PEPD: variants seen among roughly 807,000 people sequenced by gnomAD.
PEPD encodes peptidase D, also known as xaa-Pro dipeptidase.
A neutral mutation model predicts 60.7 loss-of-function variants in PEPD; 53 were observed. That is an observed-to-expected ratio of 0.87 (90% CI 0.70 to 1.10). The LOEUF is 1.10. PEPD is among the 50% of genes least tolerant of loss of function. The pLI is 0.00. For synonymous variants in PEPD, 267 were observed against 284.1 expected (o/e 0.94, Z 0.60); for missense variants, 711 against 711.9 (o/e 1.00, Z 0.01).
intron 9 of PEPD, among the ~76,000 whole-genome samples, chr19:33,425,122 C>G (rs990689205): frequency 4.6e-5 from 7 of 152,116 alleles, no homozygotes; most frequent in Non-Finnish European, 7.4e-5. Flanking sequence ...GTAATCCCAG[C>G]ACTTTGGGAG....
intron 9 of PEPD, among the ~76,000 whole-genome samples, chr19:33,422,301 C>G (rs180833572): frequency 6.6e-6 from 1 of 152,258 alleles, no homozygotes; most frequent in East Asian, 1.9e-4. Flanking sequence ...GTAACCCTCA[C>G]CACCATCTGA....
chr19:33,461,260 G>A (rs932517914), intron 9 of PEPD, among the ~76,000 whole-genome samples: 1 of 152,052 alleles, frequency 6.6e-6, no homozygotes. Flanking sequence ...GGGACTTTGG[G>A]GTTCATTATA....
At chr19:33,493,166 G>A (rs976605127) in intron 5 of PEPD, 124 bp downstream of exon 5, 14 of 749,408 alleles carry the variant, frequency 1.9e-5, no homozygotes, top group Non-Finnish European at 4.8e-6. Flanking sequence ...GTGAGCCCCT[G>A]GACCCAACCC....
Position 33,391,290 on chromosome 19 carries a change from C to T in PEPD, c.1152+5G>A. On this transcript the variant is annotated splice_donor_5th_base_variant and intron_variant, in intron 13 of 14. Transcript: ENST00000244137. ...GGCCACTCCGCCTGCCATGTCCACACTGACCTCTGGGTAGCCTCCCACGTC... is the reference window on the plus strand; with the variant it reads ...GGCCACTCCGCCTGCCATGTCCACATTGACCTCTGGGTAGCCTCCCACGTC... 1 of 1,609,638 alleles carries T rather than the reference C, an allele frequency of 6.2e-7. No homozygotes were observed. The highest frequency in any genetic ancestry group is 8.5e-7 in the Non-Finnish European group (1 of 1,178,222).
intron 7 of PEPD, among the ~76,000 whole-genome samples, chr19:33,464,530 C>T (rs547594636): frequency 3.9e-5 from 6 of 152,318 alleles, no homozygotes; most frequent in East Asian, 3.9e-4. Context: ...CACCTGCCCA[C>T]GGGTGGGTGA....
intron 4 of PEPD, among the ~76,000 whole-genome samples, chr19:33,499,606 G>A (rs1970670526): frequency 6.6e-6 from 1 of 152,250 alleles, no homozygotes; most frequent in Non-Finnish European, 1.5e-5. Flanking sequence ...TCAGAACACA[G>A]TCAGCGTCCA....
rs1445746219 is a variant in PEPD at position 33,387,087 on chromosome 19, C to CATT, written c.*254_*256dup. ...CATTTTAGTTGCTACTAAAGAACAG[C>CATT]ATTATTTTCAATCATTTTAAGTCGC... On this transcript the variant is annotated 3_prime_UTR_variant, in exon 15 of 15. Coordinates refer to ENST00000244137, the MANE Select transcript of PEPD (RefSeq NM_000285.4). 3.7e-6 allele frequency: 2 copies of CATT among 541,710 alleles called. No individual in the cohort carries two copies. The highest frequency in any genetic ancestry group is 5.0e-5 in the South Asian group (2 of 40,060). 33.6% of individuals were successfully genotyped at this position (541,710 alleles called of 1,614,324 possible). A position where few individuals can be genotyped will look rare whatever the true frequency, so the allele number is the denominator to read the frequency against.
chr19:33,414,970 C>A (rs1314754766), intron 9 of PEPD, among the ~76,000 whole-genome samples: 4 of 152,230 alleles, frequency 2.6e-5, no homozygotes, highest in Non-Finnish European at 5.9e-5. Flanking sequence ...TTCCACCTCG[C>A]TCCTGGGAGT....
chr19:33,511,260 C>T lies in PEPD; in HGVS notation c.202-105G>A, dbSNP rs1459289501. On this transcript the variant is annotated intron_variant, in intron 2 of 14. Coordinates refer to ENST00000244137, the MANE Select transcript of PEPD (RefSeq NM_000285.4). ...TAGAGAGCCAGCTCAGACCGACAGC[C>T]TCCTGTAACTGACCCCAGCCCCAGA... The T allele has an allele frequency of 1.8e-5, 20 of 1,140,204 alleles. No individual in the cohort carries two copies. The East Asian group carries it at 4.6e-4, about 26-fold the overall frequency. 70.6% of individuals were successfully genotyped at this position (1,140,204 alleles called of 1,614,324 possible). A position where few individuals can be genotyped will look rare whatever the true frequency, so the allele number is the denominator to read the frequency against.
intron 9 of PEPD, among the ~76,000 whole-genome samples, chr19:33,460,527 T>C (rs1028359936): frequency 1.3e-5 from 2 of 152,124 alleles, no homozygotes; most frequent in African/African-American, 2.4e-5. Context: ...GACCCCTCTC[T>C]CCCAACTCGG....
chr19:33,450,949 C>T (rs867399364), intron 9 of PEPD, among the ~76,000 whole-genome samples: 63 of 152,320 alleles, frequency 4.1e-4, no homozygotes, highest in African/African-American at 1.2e-3. Context: ...CTTTCCATAG[C>T]AATGACTTGA....
chr19:33,510,639 G>A (rs1970906472), intron 3 of PEPD, among the ~76,000 whole-genome samples: 1 of 152,234 alleles, frequency 6.6e-6, no homozygotes, highest in Admixed American at 6.5e-5. Context: ...TGTGAGGCAA[G>A]GGTAAGAAGG....
At chr19:33,426,163 G>A (rs1804515501) in intron 9 of PEPD, among the ~76,000 whole-genome samples, 2 of 151,932 alleles carry the variant, frequency 1.3e-5, no homozygotes, top group Admixed American at 6.6e-5. Context: ...GAGGATCTCA[G>A]GTCTCATGTC....
At chr19:33,471,269 G>C (rs954446537) in intron 7 of PEPD, among the ~76,000 whole-genome samples, 1 of 152,168 alleles carries the variant, frequency 6.6e-6, no homozygotes, top group Admixed American at 6.5e-5. Flanking sequence ...ATTATCCGTA[G>C]GGCACTCTGG....
chr19:33,501,875 A>T (rs1339476583), intron 3 of PEPD, among the ~76,000 whole-genome samples: 1 of 152,106 alleles, frequency 6.6e-6, no homozygotes, highest in Non-Finnish European at 1.5e-5. Context: ...GCCAAAAATT[A>T]GCATTTTTAG....
rs186615744 is a variant in PEPD at position 33,483,383 on chromosome 19, A to C, written c.504-5293T>G. Among the ~76,000 whole-genome samples the C allele has an allele frequency of 1.4e-3, 211 of 152,338 alleles. 1 individual carries two copies. The highest frequency in any genetic ancestry group is 4.3e-3 in the African/African-American group (180 of 41,582). ...GGTGACCCCAGGAGACAAAAGGATC[A>C]GGTCAGAGCACATCTCTGACACAAG... On this transcript the variant is annotated intron_variant, in intron 6 of 14. Coordinates refer to ENST00000244137, the MANE Select transcript of PEPD (RefSeq NM_000285.4).
intron 6 of PEPD, among the ~76,000 whole-genome samples, chr19:33,489,435 C>A (rs1329086355): frequency 6.6e-6 from 1 of 152,106 alleles, no homozygotes; most frequent in Non-Finnish European, 1.5e-5. Context: ...TCGAGACAAG[C>A]CTGGCCAACA....
At chr19:33,418,057 C>A (rs867882269) in intron 9 of PEPD, among the ~76,000 whole-genome samples, 2 of 152,198 alleles carry the variant, frequency 1.3e-5, no homozygotes, top group Non-Finnish European at 2.9e-5. Flanking sequence ...CTCGCCCTCA[C>A]GGAGCTGACC....
intron 13 of PEPD, 62 bp from the exon 14 acceptor site, chr19:33,388,143 G>C: frequency 7.3e-7 from 1 of 1,372,150 alleles, no homozygotes; most frequent in Non-Finnish European, 1.0e-6. Flanking sequence ...GGCCTCATCA[G>C]GAGAGATGGG....
Sources: allele counts gnomAD v4.1 joint callset (sites outside exome capture counted in the v4.1 genomes callset), GRCh38; gene constraint gnomAD v4.1.1; transcripts MANE v1.5; gene names NCBI Gene and HGNC (gene_info 2026-07-23, HGNC 2026-07-21).